Variants in ZFAND3 observed in about 807,000 individuals in gnomAD.
ZFAND3 encodes the protein AN1-type zinc finger protein 3.
A neutral mutation model predicts 29.6 loss-of-function variants in ZFAND3; 10 were observed. That is an observed-to-expected ratio of 0.34 (90% CI 0.21 to 0.57). ZFAND3 has a LOEUF of 0.57. Ranked by LOEUF, ZFAND3 falls within the 20% of genes least tolerant of loss-of-function variation. ZFAND3 has a pLI of 0.86. For synonymous variants in ZFAND3, 128 were observed against 112.6 expected, an observed-to-expected ratio of 1.14 and a Z score of -0.87; for missense variants, 230 against 304.5, an observed-to-expected ratio of 0.76 and a Z score of 1.82.
chr6:38,035,885 CTA>C (rs1388396417), intron 2 of ZFAND3, among the ~76,000 whole-genome samples: 1 of 152,106 alleles, frequency 6.6e-6, no homozygotes, highest in Admixed American at 6.5e-5. Flanking sequence ...GGAAATTGTC[CTA>C]AGGGCACACA....
At chr6:37,852,820 G>C (rs894950452) in intron 1 of ZFAND3, among the ~76,000 whole-genome samples, 1 of 151,212 alleles carries the variant, frequency 6.6e-6, no homozygotes. Flanking sequence ...GGTTCAAGCA[G>C]TTCTCATGCC....
chr6:38,134,770 C>T (rs989952488), intron 5 of ZFAND3, among the ~76,000 whole-genome samples: 1 of 152,198 alleles, frequency 6.6e-6, no homozygotes, highest in African/African-American at 2.4e-5. Flanking sequence ...CCTGGAGACG[C>T]AGACTAAGAA....
At chr6:37,849,575 A>AT (rs949711898) in intron 1 of ZFAND3, among the ~76,000 whole-genome samples, 1 of 151,638 alleles carries the variant, frequency 6.6e-6, no homozygotes, top group Admixed American at 6.6e-5. Context: ...TGCCTGGCTA[A>AT]TTTTTTGTAT....
chr6:37,836,161 A>G (rs529845336), intron 1 of ZFAND3, among the ~76,000 whole-genome samples: 31 of 152,348 alleles, frequency 2.0e-4, no homozygotes, highest in African/African-American at 5.5e-4. Context: ...TGGGATAGAA[A>G]TGGAGTTGTC....
At chr6:37,898,959 G>C (rs1401678035) in intron 1 of ZFAND3, among the ~76,000 whole-genome samples, 2 of 152,078 alleles carry the variant, frequency 1.3e-5, no homozygotes, top group Non-Finnish European at 1.5e-5. Flanking sequence ...TTAGTGGCGC[G>C]ATCTCGGCTC....
chr6:38,023,284 T>C (rs369257575), intron 2 of ZFAND3, among the ~76,000 whole-genome samples: 1 of 152,294 alleles, frequency 6.6e-6, no homozygotes, highest in African/African-American at 2.4e-5. Flanking sequence ...AGGTAGACAT[T>C]ACCCCTTTTC....
At chr6:38,002,634 C>T (rs1038928121) in intron 2 of ZFAND3, among the ~76,000 whole-genome samples, 4 of 152,092 alleles carry the variant, frequency 2.6e-5, no homozygotes, top group African/African-American at 9.7e-5. Context: ...CACTGCACTG[C>T]AGCCTGGGTG....
At chr6:38,144,641 C>T (rs1766067167) in intron 5 of ZFAND3, among the ~76,000 whole-genome samples, 1 of 152,178 alleles carries the variant, frequency 6.6e-6, no homozygotes. Flanking sequence ...TTTAGGTCCT[C>T]CTTCAACTTT....
intron 1 of ZFAND3, among the ~76,000 whole-genome samples, chr6:37,852,803 C>T (rs1371032327): frequency 6.6e-6 from 1 of 151,570 alleles, no homozygotes; most frequent in Admixed American, 6.6e-5. Context: ...GCAATCTCCA[C>T]CTCCTGGGTT....
chr6:38,030,989 G>T (rs2127451657), intron 2 of ZFAND3, among the ~76,000 whole-genome samples: 1 of 152,302 alleles, frequency 6.6e-6, no homozygotes, highest in East Asian at 1.9e-4. Flanking sequence ...GCAAAAGCTT[G>T]CTAGGGTTCT....
At chr6:37,876,143 CAGGAAATAA>C (rs1011322640) in intron 1 of ZFAND3, among the ~76,000 whole-genome samples, 7 of 152,014 alleles carry the variant, frequency 4.6e-5, no homozygotes, top group African/African-American at 1.7e-4. Context: ...AAAGGTGAAG[CAGGAAATAA>C]AGGAAATTGG....
At chr6:38,054,120 C>T (rs1764086257) in intron 2 of ZFAND3, among the ~76,000 whole-genome samples, 1 of 151,170 alleles carries the variant, frequency 6.6e-6, no homozygotes, top group Non-Finnish European at 1.5e-5. Flanking sequence ...GTGGCTTACA[C>T]CTGTAATCCT....
At chr6:37,844,781 G>A (rs1764146895) in intron 1 of ZFAND3, among the ~76,000 whole-genome samples, 1 of 151,448 alleles carries the variant, frequency 6.6e-6, no homozygotes, top group African/African-American at 2.4e-5. Flanking sequence ...TTGGGAGGCC[G>A]ACGTGGGCGG....
chr6:38,115,127 T>C (rs1765391801), intron 4 of ZFAND3, among the ~76,000 whole-genome samples: 1 of 152,150 alleles, frequency 6.6e-6, no homozygotes, highest in Admixed American at 6.5e-5. Flanking sequence ...GGCCTCCATA[T>C]GCCAGTACAG....
chr6:38,056,195 G>A (rs1489711393), intron 2 of ZFAND3, among the ~76,000 whole-genome samples: 1 of 152,104 alleles, frequency 6.6e-6, no homozygotes, highest in East Asian at 1.9e-4. Flanking sequence ...TAACACTAGT[G>A]GATTGGTTTA....
At chr6:37,971,562 A>G (rs1762387361) in intron 2 of ZFAND3, among the ~76,000 whole-genome samples, 2 of 152,208 alleles carry the variant, frequency 1.3e-5, no homozygotes, top group Admixed American at 1.3e-4. Flanking sequence ...GGTTTACTTA[A>G]GATTTTTTTC....
At chr6:38,113,148 TTCTTTGATTC>T (rs1283866105) in intron 4 of ZFAND3, among the ~76,000 whole-genome samples, 1 of 152,136 alleles carries the variant, frequency 6.6e-6, no homozygotes, top group East Asian at 1.9e-4. Context: ...TCTGGAATAG[TTCTTTGATTC>T]TAAAACATAA....
chr6:38,004,448 C>T (rs1009161075), intron 2 of ZFAND3, among the ~76,000 whole-genome samples: 1 of 147,122 alleles, frequency 6.8e-6, no homozygotes, highest in Admixed American at 6.8e-5. Context: ...CTTCCCCTCT[C>T]CCCCTTCCCC....
intron 5 of ZFAND3, among the ~76,000 whole-genome samples, chr6:38,124,315 C>T (rs370222804): frequency 5.2e-4 from 79 of 152,376 alleles, no homozygotes; most frequent in Admixed American, 1.8e-3. Context: ...GCCAGTCCCG[C>T]GCCATGCGCC....
Sources: gnomAD v4.1 joint callset for allele counts (sites outside exome capture counted in the v4.1 genomes callset) on GRCh38, gnomAD v4.1.1 for gene constraint, MANE v1.5 for transcripts, NCBI Gene and HGNC (gene_info 2026-07-23, HGNC 2026-07-21) for gene names.